Variants in CDH22 observed in about 807,000 individuals in gnomAD.
CDH22 encodes cadherin-22.
CDH22 carries 30 observed loss-of-function variants against 58.4 expected under a neutral mutation model. The observed-to-expected ratio is 0.51, with a 90% CI of 0.38 to 0.70. The LOEUF is 0.70. CDH22 is among the 30% of genes least tolerant of loss of function. CDH22 has a pLI of 0.00. For missense variants in CDH22, 1,014 were observed against 1,233.9 expected (o/e 0.82, Z 2.67); for synonymous variants, 513 against 558.2 (o/e 0.92, Z 1.14).
At chr20:46,223,679 T>TTC (rs1268744092) in intron 4 of CDH22, among the ~76,000 whole-genome samples, 1 of 68,216 alleles carries the variant, frequency 1.5e-5, no homozygotes, top group African/African-American at 5.5e-5. Context: ...CTTTCTTTCT[T>TTC]TCTTTCTTTC....
intron 6 of CDH22, among the ~76,000 whole-genome samples, chr20:46,211,766 C>T (rs572239885): frequency 7.7e-4 from 117 of 152,046 alleles, no homozygotes; most frequent in African/African-American, 2.6e-3. Context: ...TAAGGATGAA[C>T]GGAGATCAAA....
At chr20:46,272,811 T>G (rs1490538820) in intron 1 of CDH22, among the ~76,000 whole-genome samples, 1 of 152,240 alleles carries the variant, frequency 6.6e-6, no homozygotes, top group African/African-American at 2.4e-5. Flanking sequence ...CTGCCAGTGC[T>G]TAGCTCATTA....
chr20:46,186,763 AG>A, intron 9 of CDH22, 58 bp from the exon 10 acceptor site: 1 of 1,601,156 alleles, frequency 6.2e-7, no homozygotes, highest in Non-Finnish European at 8.5e-7. Flanking sequence ...CTCTGGGTCG[AG>A]GTAGAGGATG....
chr20:46,177,849 G>C (rs1467455316), intron 11 of CDH22, 97 bp downstream of exon 11: 3 of 1,453,974 alleles, frequency 2.1e-6, no homozygotes, highest in Non-Finnish European at 2.8e-6. Context: ...CATGTGGAGA[G>C]GGAAGCTGAG....
At chr20:46,190,455 G>C (rs1186469422) in intron 8 of CDH22, among the ~76,000 whole-genome samples, 1 of 152,190 alleles carries the variant, frequency 6.6e-6, no homozygotes, top group Non-Finnish European at 1.5e-5. Flanking sequence ...CTATGGCTTA[G>C]ACCCAGGCCC....
Position 46,308,163 on chromosome 20 carries a change from C to T in CDH22, c.-400+92G>A, listed in dbSNP as rs1329059697. The T allele has an allele frequency of 6.6e-6, 1 of 150,972 alleles. No individual in the cohort carries two copies. The highest frequency in any genetic ancestry group is 2.0e-4 in the East Asian group (1 of 5,074). 9.4% of individuals were successfully genotyped at this position (150,972 alleles called of 1,614,324 possible). A position where few individuals can be genotyped will look rare whatever the true frequency, so the allele number is the denominator to read the frequency against. On this transcript the variant is annotated intron_variant, in intron 1 of 11. Transcript: ENST00000537909. The surrounding 1 kb of genome is among the most constrained non-coding windows in gnomAD (Gnocchi z 4.3). Reference sequence around the variant, plus strand: ...TCGCCCCCCGCGCCGCCTGCCCGGCCGCTCCCGCCGGCCAGGGGGCTCCCT... The same window carrying T: ...TCGCCCCCCGCGCCGCCTGCCCGGCTGCTCCCGCCGGCCAGGGGGCTCCCT...
At chr20:46,230,241 T>C (rs2086211032) in intron 3 of CDH22, among the ~76,000 whole-genome samples, 1 of 152,142 alleles carries the variant, frequency 6.6e-6, no homozygotes, top group Admixed American at 6.5e-5. Context: ...GTCCATTCTC[T>C]CCTGCAGACT....
rs142213847 is a variant in CDH22, at chr20:46,223,659, T to C, written c.670+3849A>G. Among the ~76,000 whole-genome samples the C allele has an allele frequency of 1.1e-3, 147 of 129,904 alleles. 2 individuals carry two copies. The highest frequency in any genetic ancestry group is 3.8e-3 in the African/African-American group (134 of 35,216). The allele number at this position is 129,904 out of a possible 152,430, so 85.2% of individuals were successfully genotyped here. A position where few individuals can be genotyped will look rare whatever the true frequency, so the allele number is the denominator to read the frequency against. On this transcript the variant is annotated intron_variant, in intron 4 of 11. Coordinates refer to ENST00000537909, the MANE Select transcript of CDH22 (RefSeq NM_021248.3). ...TTTCTTTCTTTCTTTCTCTTTCTTT[T>C]TCTTTCCTTCTTTCTTTCTTTCTTT...
At chr20:46,192,757 C>A (rs1290556478) in intron 8 of CDH22, among the ~76,000 whole-genome samples, 5 of 152,056 alleles carry the variant, frequency 3.3e-5, no homozygotes, top group Non-Finnish European at 7.4e-5. Flanking sequence ...TTAGAGCTGG[C>A]CAGCTGGGCA....
At chr20:46,265,151 A>G (rs138539343) in intron 1 of CDH22, among the ~76,000 whole-genome samples, 1,910 of 152,274 alleles carry the variant, frequency 0.013, 35 homozygotes, top group African/African-American at 0.044. Flanking sequence ...ACTGCAGCCC[A>G]GTGATCAGGA....
chr20:46,220,197 C>T (rs960552597), intron 4 of CDH22, among the ~76,000 whole-genome samples: 2 of 149,962 alleles, frequency 1.3e-5, no homozygotes, highest in South Asian at 2.1e-4. Flanking sequence ...GGGAAGATTG[C>T]GGGGGGAGGT....
rs115154504 is a variant in CDH22, at chr20:46,294,184, A to G, written c.-400+14071T>C. Reference sequence around the variant, plus strand: ...GTGCAACACATCAGCTTCAACCTTCACCTAAAAGCAGGACTGGATGTCCTC... The same window carrying G: ...GTGCAACACATCAGCTTCAACCTTCGCCTAAAAGCAGGACTGGATGTCCTC... On this transcript the variant is annotated intron_variant, in intron 1 of 11. Transcript: ENST00000537909. Among the ~76,000 whole-genome samples, 1,112 of 152,236 alleles carry G rather than the reference A, an allele frequency of 7.3e-3. 19 individuals carry two copies. Among genetic ancestry groups the G allele is most frequent in the African/African-American group, 0.025 (1,056 of 41,536 alleles).
intron 3 of CDH22, among the ~76,000 whole-genome samples, chr20:46,232,823 C>A (rs1419198885): frequency 6.6e-6 from 1 of 152,168 alleles, no homozygotes; most frequent in East Asian, 1.9e-4. Context: ...GGGCTGGCCT[C>A]GACCCTGCTT....
intron 1 of CDH22, among the ~76,000 whole-genome samples, chr20:46,306,866 G>T (rs1468135539): frequency 6.6e-6 from 1 of 152,208 alleles, no homozygotes; most frequent in African/African-American, 2.4e-5. Flanking sequence ...ACATATACGG[G>T]ATACAAATGA....
chr20:46,280,441 C>T (rs992285999), intron 1 of CDH22, among the ~76,000 whole-genome samples: 2 of 152,128 alleles, frequency 1.3e-5, no homozygotes, highest in African/African-American at 4.8e-5. Flanking sequence ...ACAACAACAC[C>T]TTTTAAACTG....
intron 8 of CDH22, among the ~76,000 whole-genome samples, chr20:46,192,884 G>A (rs907429808): frequency 2.0e-4 from 30 of 151,954 alleles, no homozygotes; most frequent in African/African-American, 4.8e-4. Flanking sequence ...AGACAGAAGC[G>A]AACTCCTTGC....
At chr20:46,285,087 G>C (rs1410974847) in intron 1 of CDH22, among the ~76,000 whole-genome samples, 2 of 152,128 alleles carry the variant, frequency 1.3e-5, no homozygotes, top group East Asian at 3.9e-4. Context: ...CCCTGTACCT[G>C]GTGGGGACTC....
At chr20:46,190,295 G>A (rs902235249) in intron 8 of CDH22, among the ~76,000 whole-genome samples, 2 of 152,212 alleles carry the variant, frequency 1.3e-5, no homozygotes, top group African/African-American at 2.4e-5. Flanking sequence ...TGAGGCCCAC[G>A]GAGGGGCAGG....
Position 46,251,368 on chromosome 20 carries a change from C to T in CDH22, c.-74G>A, listed in dbSNP as rs919515129. 1.0e-5 allele frequency: 14 copies of T among 1,378,732 alleles called. No homozygotes were observed. In the African/African-American group the frequency reaches 1.4e-4, roughly 14 times the overall value. The allele number at this position is 1,378,732 out of a possible 1,614,324, so 85.4% of individuals were successfully genotyped here. On this transcript the variant is annotated 5_prime_UTR_variant, in exon 2 of 12. Coordinates refer to ENST00000537909, the MANE Select transcript of CDH22 (RefSeq NM_021248.3). The surrounding 1 kb of genome is among the most constrained non-coding windows in gnomAD (Gnocchi z 6.7). ...AGGGCGCCGCTGCTTGGTCGCACAACGATGCGGCGCCGTGTCACATGGTGG... is the reference window on the plus strand; with the variant it reads ...AGGGCGCCGCTGCTTGGTCGCACAATGATGCGGCGCCGTGTCACATGGTGG...
Sources: allele counts gnomAD v4.1 joint callset (sites outside exome capture counted in the v4.1 genomes callset), GRCh38; gene constraint gnomAD v4.1.1; non-coding constraint Gnocchi (gnomAD v3.1); transcripts MANE v1.5; gene names NCBI Gene and HGNC (gene_info 2026-07-23, HGNC 2026-07-21).